The following JAM3 variants were observed in gnomAD, a reference collection of about 807,000 sequenced individuals.
JAM3 encodes junctional adhesion molecule C.
Under a neutral mutation model 39.4 loss-of-function variants are expected in JAM3, and 31 were observed. The ratio of observed to expected loss-of-function variants is 0.79; its 90% CI spans 0.59 to 1.06. The LOEUF (loss-of-function observed/expected upper bound fraction) is 1.06, where lower values mean the gene tolerates loss of function less well. JAM3 is among the 50% of genes least tolerant of loss of function. The probability of loss-of-function intolerance (pLI) is 0.00; values close to 1 mark genes in which losing one functional copy is unlikely to be tolerated. For synonymous variants in JAM3, 182 were observed against 148.7 expected (o/e 1.22, Z -1.63); for missense variants, 455 against 391.4 (o/e 1.16, Z -1.37).
intron 1 of JAM3, among the ~76,000 whole-genome samples, chr11:134,096,926 A>C (rs1487906180): frequency 3.3e-5 from 5 of 152,146 alleles, no homozygotes; most frequent in Non-Finnish European, 7.4e-5. Context: ...TATTACCATT[A>C]AATATTAGCT....
chr11:134,141,452 GGA>G (rs138165756), intron 3 of JAM3, among the ~76,000 whole-genome samples: 2,396 of 152,140 alleles, frequency 0.016, 59 homozygotes, highest in African/African-American at 0.053. Flanking sequence ...GAGAGAGGGA[GGA>G]GAGGGGGGAG....
At chr11:134,124,345 GT>G (rs1942598439) in intron 1 of JAM3, 2 of 736,668 alleles carry the variant, frequency 2.7e-6, no homozygotes, top group Admixed American at 3.9e-5. Flanking sequence ...AATGAAAAAT[GT>G]GAGTGTGCGT....
At chr11:134,095,298 T>C (rs539397843) in intron 1 of JAM3, among the ~76,000 whole-genome samples, 1 of 151,776 alleles carries the variant, frequency 6.6e-6, no homozygotes, top group South Asian at 2.1e-4. Context: ...TATGGAAAAC[T>C]CTTTTTTTTT....
intron 1 of JAM3, among the ~76,000 whole-genome samples, chr11:134,072,500 G>A (rs1287346124): frequency 6.6e-6 from 1 of 152,106 alleles, no homozygotes; most frequent in Non-Finnish European, 1.5e-5. Flanking sequence ...AGTAGACATG[G>A]GGTTTCACCA....
chr11:134,091,986 C>G (rs1157362636), intron 1 of JAM3, among the ~76,000 whole-genome samples: 1 of 152,014 alleles, frequency 6.6e-6, no homozygotes, highest in Admixed American at 6.6e-5. Context: ...CTAGTCATTT[C>G]TGTACATTTT....
chr11:134,131,508 G>A (rs1942769731), intron 1 of JAM3, among the ~76,000 whole-genome samples: 1 of 151,674 alleles, frequency 6.6e-6, no homozygotes, highest in Non-Finnish European at 1.5e-5. Context: ...TTCAACAACA[G>A]CATCAACAAC....
At position 134,087,805 on chromosome 11, in the gene JAM3, G is replaced by A. The variant is rs140005046; in HGVS notation, c.76+18646G>A. Among the ~76,000 whole-genome samples the A allele has an allele frequency of 9.2e-5, 14 of 152,248 alleles. No homozygotes were observed. The East Asian group carries it at 9.6e-4, about 10-fold the overall frequency. On this transcript the variant is annotated intron_variant, in intron 1 of 8. Transcript: ENST00000299106. ...CCTCTTAATTCGCATGGACATATAG[G>A]TTCTAGAATCTTAGAGCTTAAAGGT...
chr11:134,147,629 G>C (rs574296275), intron 6 of JAM3, among the ~76,000 whole-genome samples: 2 of 151,854 alleles, frequency 1.3e-5, no homozygotes, highest in East Asian at 4.0e-4. Flanking sequence ...TGGGACTACA[G>C]GCACCTGCCA....
At chr11:134,124,967 G>A (rs1010840862) in intron 1 of JAM3, among the ~76,000 whole-genome samples, 4 of 152,224 alleles carry the variant, frequency 2.6e-5, no homozygotes, top group African/African-American at 7.2e-5. Flanking sequence ...CCTCTCCTCA[G>A]TTACCTCTGC....
intron 3 of JAM3, among the ~76,000 whole-genome samples, chr11:134,142,118 G>A (rs10791345): frequency 0.18 from 26,768 of 152,054 alleles, 2,466 homozygotes; most frequent in African/African-American, 0.21. Context: ...TGTAGTTAGA[G>A]CATCAGAGGA....
At chr11:134,114,326 T>G (rs182298639) in intron 1 of JAM3, among the ~76,000 whole-genome samples, 3 of 152,358 alleles carry the variant, frequency 2.0e-5, no homozygotes, top group South Asian at 2.1e-4. Flanking sequence ...GGTCTAACAT[T>G]TAAGTCTTTA....
chr11:134,094,976 C>T (rs763477222), intron 1 of JAM3, among the ~76,000 whole-genome samples: 19 of 152,154 alleles, frequency 1.2e-4, no homozygotes, highest in African/African-American at 1.7e-4. Flanking sequence ...ATATGTAACA[C>T]GTATGTTAAA....
intron 1 of JAM3, among the ~76,000 whole-genome samples, chr11:134,106,813 A>G (rs77619612): frequency 0.078 from 11,816 of 152,298 alleles, 594 homozygotes; most frequent in Admixed American, 0.11. Context: ...AATTGCGATC[A>G]TTAAAAAGTC....
intron 1 of JAM3, among the ~76,000 whole-genome samples, chr11:134,111,216 T>G (rs1391021719): frequency 7.2e-6 from 1 of 139,110 alleles, no homozygotes; most frequent in Non-Finnish European, 1.5e-5. Context: ...CGATCTCGGC[T>G]CACTGCAAGC....
intron 1 of JAM3, among the ~76,000 whole-genome samples, chr11:134,094,313 C>G (rs1345365849): frequency 1.4e-5 from 2 of 141,458 alleles, no homozygotes; most frequent in African/African-American, 5.4e-5. Context: ...CCTTATTCAT[C>G]ATGTTCCACC....
At chr11:134,136,422 T>C (rs1942866447) in intron 1 of JAM3, among the ~76,000 whole-genome samples, 1 of 152,224 alleles carries the variant, frequency 6.6e-6, no homozygotes, top group South Asian at 2.1e-4. Flanking sequence ...ATTTGTGCCT[T>C]CCAATCCTCA....
intron 1 of JAM3, among the ~76,000 whole-genome samples, chr11:134,092,099 G>A (rs989852914): frequency 6.6e-6 from 1 of 152,230 alleles, no homozygotes; most frequent in Middle Eastern, 3.4e-3. Flanking sequence ...TTGGTGCAAA[G>A]CCGAAAGCCT....
At chr11:134,128,102 G>C (rs1334486562) in intron 1 of JAM3, among the ~76,000 whole-genome samples, 2 of 152,110 alleles carry the variant, frequency 1.3e-5, no homozygotes, top group Non-Finnish European at 2.9e-5. Context: ...AAAAAGAAAG[G>C]TTTTCCTCTT....
intron 1 of JAM3, among the ~76,000 whole-genome samples, chr11:134,110,491 G>T (rs1434264587): frequency 6.6e-6 from 1 of 152,184 alleles, no homozygotes; most frequent in East Asian, 1.9e-4. Flanking sequence ...GATGCATGCT[G>T]CCACATAAAT....
Sources: gnomAD v4.1 joint callset for allele counts (sites outside exome capture counted in the v4.1 genomes callset) on GRCh38, gnomAD v4.1.1 for gene constraint, MANE v1.5 for transcripts, NCBI Gene and HGNC (gene_info 2026-07-23, HGNC 2026-07-21) for gene names.